Variants in SLC9A1 observed in about 807,000 individuals in gnomAD.
SLC9A1 encodes the protein sodium/hydrogen exchanger 1.
A neutral mutation model predicts 67.9 loss-of-function variants in SLC9A1; 22 were observed. That is an observed-to-expected ratio of 0.32 (90% CI 0.23 to 0.46). The LOEUF (loss-of-function observed/expected upper bound fraction) is 0.46. Among genes scored for constraint, SLC9A1 ranks in the 20% least tolerant of loss-of-function variants. SLC9A1 has a pLI of 1.00. For synonymous variants in SLC9A1, 421 were observed against 471.8 expected (o/e 0.89, Z 1.40); for missense variants, 686 against 1,094.8 (o/e 0.63, Z 5.27).
chr1:27,120,665 T>C (rs530244225), intron 1 of SLC9A1, among the ~76,000 whole-genome samples: 1 of 151,824 alleles, frequency 6.6e-6, no homozygotes, highest in South Asian at 2.1e-4. Context: ...TTGAACCTGT[T>C]AGGCAGAGGT....
intron 1 of SLC9A1, among the ~76,000 whole-genome samples, chr1:27,119,424 C>G (rs909723820): frequency 2.0e-5 from 3 of 152,190 alleles, no homozygotes; most frequent in African/African-American, 7.2e-5. Flanking sequence ...GAGGACTGCT[C>G]TGGGGCTGCA....
chr1:27,103,774 A>G, intron 5 of SLC9A1: 1 of 183,410 alleles, frequency 5.5e-6, no homozygotes, highest in Non-Finnish European at 1.2e-5. Flanking sequence ...GAAGTGTTCT[A>G]GCATCAATCA....
In SLC9A1 at chr1:27,154,768, G is replaced by A. The variant is rs1204075067; in HGVS notation, c.-434C>T. The A allele has an allele frequency of 4.5e-5, 7 of 155,630 alleles. No individual in the cohort carries two copies. Among genetic ancestry groups the A allele is most frequent in the African/African-American group, 1.7e-4 (7 of 41,654 alleles). 9.6% of individuals were successfully genotyped at this position (155,630 alleles called of 1,614,324 possible). On this transcript the variant is annotated 5_prime_UTR_variant, in exon 1 of 12. Coordinates refer to ENST00000263980, the MANE Select transcript of SLC9A1 (RefSeq NM_003047.5). ...CTAAAGGAAGGGGTAGGGAGCCTGA[G>A]CTAAAGGAAGGGGACCGAAGGGGGT...
At position 27,113,023 on chromosome 1, in the gene SLC9A1, G is replaced by A. The variant is rs550731618; in HGVS notation, c.813+803C>T. Among the ~76,000 whole-genome samples the A allele has an allele frequency of 4.9e-4, 75 of 151,774 alleles. 1 individual carries two copies. Among genetic ancestry groups the A allele is most frequent in the African/African-American group, 1.4e-3 (59 of 41,378 alleles). ...GACAAGGCCCCTTTCCATAATCTCC[G>A]CCCAAAAACTGTGCACAAACCGAAT... On this transcript the variant is annotated intron_variant, in intron 2 of 11. Transcript: ENST00000263980.
At chr1:27,122,588 C>G (rs1260952843) in intron 1 of SLC9A1, among the ~76,000 whole-genome samples, 1 of 152,152 alleles carries the variant, frequency 6.6e-6, no homozygotes, top group Non-Finnish European at 1.5e-5. Context: ...TGACCTTCAG[C>G]CTGGCCCTGA....
At chr1:27,127,074 C>T (rs1277625126) in intron 1 of SLC9A1, among the ~76,000 whole-genome samples, 1 of 152,134 alleles carries the variant, frequency 6.6e-6, no homozygotes, top group Non-Finnish European at 1.5e-5. Flanking sequence ...GAACATGGCT[C>T]ACTGCAGCCT....
chr1:27,112,868 A>C (rs901020470), intron 2 of SLC9A1, among the ~76,000 whole-genome samples: 7 of 142,186 alleles, frequency 4.9e-5, no homozygotes, highest in Non-Finnish European at 1.5e-5. Context: ...TGGGAGACAG[A>C]GCAAGACTCC....
chr1:27,127,488 T>C (rs1272250164), intron 1 of SLC9A1, among the ~76,000 whole-genome samples: 1 of 151,988 alleles, frequency 6.6e-6, no homozygotes, highest in African/African-American at 2.4e-5. Flanking sequence ...CGGAGGCAGG[T>C]CCCAAACCCA....
At chr1:27,115,008 A>G (rs2124157032) in intron 1 of SLC9A1, among the ~76,000 whole-genome samples, 1 of 152,274 alleles carries the variant, frequency 6.6e-6, no homozygotes, top group African/African-American at 2.4e-5. Context: ...TCTATTTGCT[A>G]TCCCGCTTCT....
Position 27,154,115 on chromosome 1 carries a change from C to G in SLC9A1, c.220G>C (p.Val74Leu). 1 of 1,614,130 alleles carries G rather than the reference C, an allele frequency of 6.2e-7. No individual in the cohort carries two copies. Among genetic ancestry groups the G allele is most frequent in the Non-Finnish European group, 8.5e-7 (1 of 1,179,992 alleles). ...PPEVTPESRP[V>L]NHSVTDHGMK... ...CCATGATCAGTGACGGAATGATTAA[C>G]AGGGCGGCTCTCTGGGGTGACCTCC... The change falls in exon 1 of 12, where the codon GTT becomes CTT. Residue 74 changes from valine to leucine, a missense_variant. Val to Leu is a conservative substitution (Grantham distance 32). Around this residue, in one of 7 missense-constraint regions of SLC9A1, gnomAD observed 143 missense variants for 166.7 expected, o/e 0.86. Transcript: ENST00000263980.
rs142636519 is a variant in SLC9A1, at chr1:27,144,266, C to G, written c.352+9717G>C. The stretch of plus-strand genomic sequence containing the variant: ...GCTTGAGGAATCTTCCCAGGAAAAG[C>G]TTAATTCAATTAGGGCTCTCGGCAG... On this transcript the variant is annotated intron_variant, in intron 1 of 11. Transcript: ENST00000263980. Among the ~76,000 whole-genome samples the G allele has an allele frequency of 1.6e-3, 238 of 152,292 alleles. 1 individual carries two copies. Among genetic ancestry groups the G allele is most frequent in the African/African-American group, 5.3e-3 (221 of 41,548 alleles).
At chr1:27,131,915 C>T (rs1186661355) in intron 1 of SLC9A1, among the ~76,000 whole-genome samples, 4 of 97,362 alleles carry the variant, frequency 4.1e-5, no homozygotes, top group South Asian at 6.8e-4. Context: ...AGGGAGAATC[C>T]GTCTCAAAAA....
At chr1:27,113,452 T>G (rs1436303866) in intron 2 of SLC9A1, among the ~76,000 whole-genome samples, 2 of 152,056 alleles carry the variant, frequency 1.3e-5, no homozygotes, top group African/African-American at 4.8e-5. Flanking sequence ...CAAGACCCTG[T>G]CTCTTAAAAA....
chr1:27,131,554 C>T (rs914617238), intron 1 of SLC9A1, among the ~76,000 whole-genome samples: 2 of 151,264 alleles, frequency 1.3e-5, no homozygotes, highest in East Asian at 1.9e-4. Flanking sequence ...TCAAGACCAT[C>T]CTGGTCAACA....
intron 1 of SLC9A1, among the ~76,000 whole-genome samples, chr1:27,130,133 T>A (rs553458582): frequency 3.3e-5 from 5 of 152,294 alleles, no homozygotes; most frequent in South Asian, 4.1e-4. Flanking sequence ...CAGAGTCTCA[T>A]TCTGTCGCTC....
chr1:27,123,813 T>C (rs576668807), intron 1 of SLC9A1, among the ~76,000 whole-genome samples: 151 of 151,566 alleles, frequency 1.0e-3, no homozygotes, highest in African/African-American at 3.4e-3. Flanking sequence ...GCCCAGCCCT[T>C]TTATTGGGCT....
intron 1 of SLC9A1, among the ~76,000 whole-genome samples, chr1:27,136,517 C>T (rs2083421283): frequency 7.1e-6 from 1 of 141,328 alleles, no homozygotes; most frequent in African/African-American, 2.5e-5. Flanking sequence ...CTCTCCTCAA[C>T]CGAGGATAAG....
chr1:27,118,231 C>T lies in SLC9A1; in HGVS notation c.353-3945G>A, dbSNP rs144019031. On this transcript the variant is annotated intron_variant, in intron 1 of 11. Transcript: ENST00000263980. This position sits in a 1 kb window ranked among gnomAD's most constrained non-coding sequence, Gnocchi z 4.3. ...GGAGCTCTAGGCCCTGATGGGCTCTCTGGGCCTGAGGGGAGGGCCGGGCCG... is the reference window on the plus strand; with the variant it reads ...GGAGCTCTAGGCCCTGATGGGCTCTTTGGGCCTGAGGGGAGGGCCGGGCCG... Among the ~76,000 whole-genome samples, 1 of 152,264 alleles carries T rather than the reference C, an allele frequency of 6.6e-6. No homozygotes were observed. The highest frequency in any genetic ancestry group is 1.9e-4 in the East Asian group (1 of 5,172).
At chr1:27,131,440 A>AG (rs2083383751) in intron 1 of SLC9A1, among the ~76,000 whole-genome samples, 1 of 70,442 alleles carries the variant, frequency 1.4e-5, no homozygotes, top group Admixed American at 1.2e-4. Flanking sequence ...CTAAAAATAC[A>AG]AAAAAAAAAA....
Sources: allele counts gnomAD v4.1 joint callset (sites outside exome capture counted in the v4.1 genomes callset), GRCh38; gene constraint gnomAD v4.1.1; regional missense constraint gnomAD v4.1.1; non-coding constraint Gnocchi (gnomAD v3.1); transcripts MANE v1.5; gene names NCBI Gene and HGNC (gene_info 2026-07-23, HGNC 2026-07-21).